The following ARHGAP10 variants were observed in gnomAD, a reference collection of about 807,000 sequenced individuals.
ARHGAP10 encodes the protein Rho GTPase activating protein 10.
In ARHGAP10, 87 loss-of-function variants were observed where a neutral mutation model predicts 108.6. The observed-to-expected ratio is 0.80, with a 90% CI of 0.67 to 0.96. ARHGAP10 has a LOEUF of 0.96. Ranked by LOEUF, ARHGAP10 falls within the 40% of genes least tolerant of loss-of-function variation. The probability of loss-of-function intolerance (pLI) is 0.00; values close to 1 mark genes in which losing one functional copy is unlikely to be tolerated. For synonymous variants in ARHGAP10, 347 were observed against 341.1 expected, an observed-to-expected ratio of 1.02 and a Z score of -0.19; for missense variants, 939 against 954.5, an observed-to-expected ratio of 0.98 and a Z score of 0.21.
At chr4:147,811,460 G>GC (rs1301198085) in intron 1 of ARHGAP10, among the ~76,000 whole-genome samples, 1 of 152,138 alleles carries the variant, frequency 6.6e-6, no homozygotes, top group African/African-American at 2.4e-5. Context: ...TGTAAGCATG[G>GC]CCACATTATC....
chr4:147,802,532 C>G (rs974722579), intron 1 of ARHGAP10, among the ~76,000 whole-genome samples: 4 of 152,214 alleles, frequency 2.6e-5, no homozygotes, highest in African/African-American at 9.6e-5. Context: ...ATGTTTGTAG[C>G]CTCTCTGTCC....
At chr4:148,035,050 T>C (rs1188500126) in intron 19 of ARHGAP10, among the ~76,000 whole-genome samples, 1 of 152,234 alleles carries the variant, frequency 6.6e-6, no homozygotes, top group African/African-American at 2.4e-5. Flanking sequence ...CATCGACCTT[T>C]GCAAGAGGTA....
rs756616736 is a variant in ARHGAP10, at chr4:147,906,645, G to A, written c.1042G>A (p.Val348Ile). The change falls in exon 11 of 23, where the codon GTT becomes ATT. Residue 348 changes from valine (V) to isoleucine (I), a missense_variant. Physicochemically the swap from Val to Ile is conservative, Grantham distance 29. Transcript: ENST00000336498. ...GTTACTGGTGTCTTTCAGGCCTGGC[G>A]TTTCCTTGACCATGCAGGCATTTTC... is the stretch of plus-strand genomic sequence containing the variant. ...FDIEAADRPG[V>I]SLTMQAFSEE... The A allele has an allele frequency of 1.3e-5, 21 of 1,613,942 alleles. No homozygotes were observed. The highest frequency in any genetic ancestry group is 1.7e-5 in the Non-Finnish European group (20 of 1,180,006).
chr4:147,885,696 A>C (rs780585044), intron 10 of ARHGAP10, among the ~76,000 whole-genome samples: 3 of 152,344 alleles, frequency 2.0e-5, no homozygotes, highest in Non-Finnish European at 4.4e-5. Flanking sequence ...CTTCCATGAC[A>C]GTTAACCATT....
At chr4:147,786,913 A>G (rs1046089518) in intron 1 of ARHGAP10, among the ~76,000 whole-genome samples, 1 of 152,184 alleles carries the variant, frequency 6.6e-6, no homozygotes, top group African/African-American at 2.4e-5. Context: ...GGCCTTCTCC[A>G]GGGTCACACC....
At chr4:147,808,766 C>G (rs1359221079) in intron 1 of ARHGAP10, among the ~76,000 whole-genome samples, 3 of 152,118 alleles carry the variant, frequency 2.0e-5, no homozygotes, top group African/African-American at 7.2e-5. Context: ...AACTCTGGGC[C>G]CCCTCTGGTT....
chr4:147,975,268 G>C (rs1033185313), intron 18 of ARHGAP10, among the ~76,000 whole-genome samples: 4 of 152,144 alleles, frequency 2.6e-5, no homozygotes, highest in African/African-American at 9.7e-5. Context: ...TGATGGCCTT[G>C]TACTGCCCAG....
Position 147,966,778 on chromosome 4 carries a change from C to CG in ARHGAP10, c.1655_1656insG (p.Leu553ProfsTer16). 1 of 1,603,438 alleles carries CG rather than the reference C, an allele frequency of 6.2e-7. No individual in the cohort carries two copies. Among genetic ancestry groups the CG allele is most frequent in the Non-Finnish European group, 8.5e-7 (1 of 1,172,654 alleles). On this transcript the variant is annotated frameshift_variant, in exon 18 of 23. Transcript: ENST00000336498. LOFTEE classifies it high-confidence loss of function. The stretch of plus-strand genomic sequence containing the variant: ...AGGCCACAGGAAGAAACTGTCGCTG[C>CG]CCTCATGGACTTGAAGTTTCAGAAT...
intron 20 of ARHGAP10, 152 bp from the exon 21 acceptor site, chr4:148,062,996 C>T (rs1729687879): frequency 5.3e-6 from 5 of 945,858 alleles, no homozygotes; most frequent in Non-Finnish European, 7.8e-6. Context: ...GTTTGGGCTG[C>T]AGCCCCGGCA....
chr4:147,900,280 A>G (rs947112968), intron 10 of ARHGAP10, among the ~76,000 whole-genome samples: 2 of 152,192 alleles, frequency 1.3e-5, no homozygotes, highest in South Asian at 2.1e-4. Flanking sequence ...GAATGAATGA[A>G]TGAAAGAGGT....
intron 14 of ARHGAP10, 39 bp downstream of exon 14, chr4:147,939,938 G>A (rs940716930): frequency 2.6e-6 from 4 of 1,534,482 alleles, no homozygotes; most frequent in Non-Finnish European, 3.6e-6. Context: ...TGTGTTATTT[G>A]TGTATGTTCA....
At chr4:148,064,564 C>T (rs528308853) in intron 22 of ARHGAP10, 57 bp downstream of exon 22, 2 of 1,493,688 alleles carry the variant, frequency 1.3e-6, no homozygotes, top group Non-Finnish European at 1.9e-6. Context: ...AATAAGTCTG[C>T]AGCATGGAGT....
intron 15 of ARHGAP10, 148 bp downstream of exon 15, chr4:147,946,852 A>G (rs1738403985): frequency 1.9e-6 from 1 of 526,520 alleles, no homozygotes; most frequent in East Asian, 3.4e-5. Context: ...GTGTCCCAGA[A>G]AGAAAGGTAA....
chr4:147,824,847 C>T (rs1332026690), intron 3 of ARHGAP10, among the ~76,000 whole-genome samples: 3 of 152,156 alleles, frequency 2.0e-5, no homozygotes. Context: ...AGAGCCAAAC[C>T]ATATCAGCCA....
intron 13 of ARHGAP10, 64 bp from the exon 14 acceptor site, chr4:147,939,761 C>A: frequency 1.4e-6 from 2 of 1,394,464 alleles, no homozygotes; most frequent in Non-Finnish European, 2.0e-6. Context: ...TTGAATGCAA[C>A]TGTTTGATGG....
At chr4:147,844,327 T>C (rs1298011329) in intron 3 of ARHGAP10, among the ~76,000 whole-genome samples, 2 of 152,184 alleles carry the variant, frequency 1.3e-5, no homozygotes, top group African/African-American at 4.8e-5. Flanking sequence ...CATTTATCCT[T>C]TGTGTTACAA....
intron 3 of ARHGAP10, among the ~76,000 whole-genome samples, chr4:147,830,526 T>A (rs995814815): frequency 3.5e-4 from 52 of 149,688 alleles, no homozygotes; most frequent in Non-Finnish European, 6.4e-4. Flanking sequence ...TTTTTTTTTT[T>A]TTTTTTTTTG....
intron 13 of ARHGAP10, among the ~76,000 whole-genome samples, chr4:147,934,628 G>A (rs988770285): frequency 3.3e-5 from 5 of 152,194 alleles, no homozygotes; most frequent in Admixed American, 6.5e-5. Flanking sequence ...ACTTGCACCA[G>A]GAGTTTGAGA....
chr4:147,843,736 C>G (rs916314651), intron 3 of ARHGAP10, among the ~76,000 whole-genome samples: 1 of 152,176 alleles, frequency 6.6e-6, no homozygotes, highest in Non-Finnish European at 1.5e-5. Context: ...AGGCTGGTCT[C>G]AAACTCCTGA....
Sources: allele counts gnomAD v4.1 joint callset (sites outside exome capture counted in the v4.1 genomes callset), GRCh38; gene constraint gnomAD v4.1.1; transcripts MANE v1.5; gene names NCBI Gene and HGNC (gene_info 2026-07-23, HGNC 2026-07-21).